RGS6: variants seen among roughly 807,000 people sequenced by gnomAD.
The protein encoded by RGS6 is regulator of G protein signaling 6, also known as regulator of G-protein signaling 6.
In RGS6, 30 loss-of-function variants were observed where a neutral mutation model predicts 78.5. That is an observed-to-expected ratio of 0.38 (90% CI 0.29 to 0.52). The LOEUF (loss-of-function observed/expected upper bound fraction) is 0.52, where lower values mean the gene tolerates loss of function less well. Ranked by LOEUF, RGS6 falls within the 20% of genes least tolerant of loss-of-function variation. The probability of loss-of-function intolerance (pLI) is 0.85; values close to 1 mark genes in which losing one functional copy is unlikely to be tolerated. For missense variants in RGS6, 495 were observed against 609.7 expected, an observed-to-expected ratio of 0.81 and a Z score of 1.98; for synonymous variants, 206 against 206.0, an observed-to-expected ratio of 1.00 and a Z score of 0.00.
chr14:71,998,655 C>T (rs2082826914), intron 2 of RGS6, among the ~76,000 whole-genome samples: 2 of 152,352 alleles, frequency 1.3e-5, no homozygotes, highest in African/African-American at 2.4e-5. Context: ...TCACTTCCAC[C>T]TTCTAGAACT....
chr14:72,451,641 G>A (rs1170128314), intron 3 of RGS6, among the ~76,000 whole-genome samples: 1 of 152,196 alleles, frequency 6.6e-6, no homozygotes, highest in African/African-American at 2.4e-5. Context: ...AATCTTGGCA[G>A]GTGATAAATA....
intron 12 of RGS6, among the ~76,000 whole-genome samples, chr14:72,481,625 A>C (rs1263848804): frequency 1.3e-5 from 2 of 152,110 alleles, no homozygotes; most frequent in Non-Finnish European, 2.9e-5. Flanking sequence ...AAGTGTCCCC[A>C]AAATGCCAGC....
intron 15 of RGS6, among the ~76,000 whole-genome samples, chr14:72,519,667 A>T (rs77397675): frequency 0.026 from 3,938 of 152,332 alleles, 195 homozygotes; most frequent in African/African-American, 0.09. Context: ...TGACTCCTTC[A>T]TATACCCCTT....
chr14:72,020,250 C>G (rs1197414593), intron 2 of RGS6, among the ~76,000 whole-genome samples: 1 of 152,200 alleles, frequency 6.6e-6, no homozygotes, highest in East Asian at 1.9e-4. Flanking sequence ...TCCAAATTAT[C>G]TGACAGGAGG....
At chr14:72,065,055 A>G (rs2094077556) in intron 2 of RGS6, among the ~76,000 whole-genome samples, 1 of 152,138 alleles carries the variant, frequency 6.6e-6, no homozygotes. Flanking sequence ...TTTCACATAC[A>G]TTGTGTTTTT....
chr14:72,525,571 G>T (rs1222245571), intron 15 of RGS6, among the ~76,000 whole-genome samples: 1 of 151,952 alleles, frequency 6.6e-6, no homozygotes, highest in Non-Finnish European at 1.5e-5. Flanking sequence ...ATGTTTAAAT[G>T]CAACTTGATT....
intron 2 of RGS6, among the ~76,000 whole-genome samples, chr14:72,221,372 G>C (rs1445754038): frequency 6.6e-6 from 1 of 152,036 alleles, no homozygotes; most frequent in Non-Finnish European, 1.5e-5. Flanking sequence ...GGTGGCCGTG[G>C]GACCTAGTCA....
chr14:72,178,839 C>T (rs1414362572), intron 2 of RGS6, among the ~76,000 whole-genome samples: 5 of 152,182 alleles, frequency 3.3e-5, no homozygotes, highest in African/African-American at 7.2e-5. Context: ...ATAAATAGTT[C>T]AAACTTTCAG....
chr14:72,316,760 C>A (rs1283650992), intron 2 of RGS6, among the ~76,000 whole-genome samples: 1 of 152,144 alleles, frequency 6.6e-6, no homozygotes, highest in Non-Finnish European at 1.5e-5. Context: ...GTATTCCAAT[C>A]ATTGATTGGC....
intron 2 of RGS6, among the ~76,000 whole-genome samples, chr14:72,291,387 G>A (rs2063549680): frequency 6.6e-6 from 1 of 151,956 alleles, no homozygotes; most frequent in Admixed American, 6.6e-5. Context: ...CACTCTCCAG[G>A]AAGACTACAT....
intron 2 of RGS6, among the ~76,000 whole-genome samples, chr14:72,061,167 C>T (rs999125010): frequency 6.6e-6 from 1 of 152,188 alleles, no homozygotes; most frequent in African/African-American, 2.4e-5. Context: ...ATGTTCCCAT[C>T]CCATTGCCAC....
chr14:72,553,711 T>A (rs1205532974), intron 17 of RGS6, among the ~76,000 whole-genome samples: 1 of 152,184 alleles, frequency 6.6e-6, no homozygotes, highest in East Asian at 1.9e-4. Context: ...GAACAGGGAA[T>A]ACCCACTACC....
the RGS6 span, among the ~76,000 whole-genome samples, chr14:71,898,615 G>C: frequency 2.0e-5 from 3 of 152,230 alleles, no homozygotes; most frequent in Admixed American, 2.0e-4. Context: ...CCATCATCCA[G>C]GTTTTAAGCC....
intron 2 of RGS6, among the ~76,000 whole-genome samples, chr14:72,229,380 T>C (rs2048956586): frequency 1.4e-5 from 2 of 147,932 alleles, no homozygotes; most frequent in African/African-American, 5.0e-5. Context: ...GTGGGGAAAA[T>C]CACGTCTCTG....
intron 2 of RGS6, among the ~76,000 whole-genome samples, chr14:72,286,843 G>A (rs2062651648): frequency 6.6e-6 from 1 of 151,798 alleles, no homozygotes; most frequent in Non-Finnish European, 1.5e-5. Flanking sequence ...GAGTGCAGTG[G>A]CACAATCTCG....
intron 2 of RGS6, among the ~76,000 whole-genome samples, chr14:72,169,480 C>T (rs993748411): frequency 2.6e-5 from 4 of 152,160 alleles, no homozygotes; most frequent in Admixed American, 6.5e-5. Context: ...CAGACCATGG[C>T]TTTAGTGTTT....
chr14:72,196,073 C>G (rs2040045214), intron 2 of RGS6, among the ~76,000 whole-genome samples: 1 of 151,968 alleles, frequency 6.6e-6, no homozygotes, highest in Non-Finnish European at 1.5e-5. Context: ...GTAGTGGAGC[C>G]ATGAAATGGG....
At chr14:72,351,400 G>C (rs1212776463) in intron 2 of RGS6, among the ~76,000 whole-genome samples, 1 of 152,060 alleles carries the variant, frequency 6.6e-6, no homozygotes, top group Non-Finnish European at 1.5e-5. Flanking sequence ...GTTTTCACCA[G>C]TAGGATGTCA....
chr14:72,396,321 C>T (rs955640048), intron 3 of RGS6, among the ~76,000 whole-genome samples: 20 of 152,250 alleles, frequency 1.3e-4, no homozygotes, highest in Non-Finnish European at 1.2e-4. Context: ...TGTTTTTTGG[C>T]TGCATAAATG....
Sources: allele counts gnomAD v4.1 joint callset (sites outside exome capture counted in the v4.1 genomes callset), GRCh38; gene constraint gnomAD v4.1.1; transcripts MANE v1.5; gene names NCBI Gene and HGNC (gene_info 2026-07-23, HGNC 2026-07-21).